The following FBXO21 variants were observed in gnomAD, a reference collection of about 807,000 sequenced individuals.
The protein encoded by FBXO21 is F-box protein 21, also known as F-box only protein 21.
FBXO21 carries 32 observed loss-of-function variants against 76.6 expected under a neutral mutation model. That is an observed-to-expected ratio of 0.42 (90% CI 0.32 to 0.56). The LOEUF is 0.56. Ranked by LOEUF, FBXO21 falls within the 20% of genes least tolerant of loss-of-function variation. The probability of loss-of-function intolerance (pLI) is 0.16; values close to 1 mark genes in which losing one functional copy is unlikely to be tolerated. For missense variants in FBXO21, 586 were observed against 797.3 expected, an observed-to-expected ratio of 0.73 and a Z score of 3.19; for synonymous variants, 328 against 311.5, an observed-to-expected ratio of 1.05 and a Z score of -0.56.
chr12:117,171,390 A>G (rs1956117695), intron 7 of FBXO21, among the ~76,000 whole-genome samples: 1 of 151,680 alleles, frequency 6.6e-6, no homozygotes, highest in Admixed American at 6.6e-5. Context: ...AAGAAATAAC[A>G]AACACTTTCA....
Position 117,142,828 on chromosome 12 carries a change from T to A in FBXO21, c.*3259A>T, listed in dbSNP as rs1332650906. 6.6e-6 allele frequency: 1 copy of A among 152,116 alleles called. No homozygotes were observed. Among genetic ancestry groups the A allele is most frequent in the African/African-American group, 2.4e-5 (1 of 41,418 alleles). The allele number at this position is 152,116 out of a possible 1,614,324, so 9.4% of individuals were successfully genotyped here. A position where few individuals can be genotyped will look rare whatever the true frequency, so the allele number is the denominator to read the frequency against. ...GAGGGGAAAGCAAAGAGATGCGACA[T>A]CAGCAGCAGAAAGCCTGCGACACGG... On this transcript the variant is annotated 3_prime_UTR_variant, in exon 12 of 12. Coordinates refer to ENST00000622495, the MANE Select transcript of FBXO21 (RefSeq NM_015002.3).
At chr12:117,160,695 C>T (rs1006636055) in intron 9 of FBXO21, among the ~76,000 whole-genome samples, 2 of 152,212 alleles carry the variant, frequency 1.3e-5, no homozygotes, top group African/African-American at 4.8e-5. Flanking sequence ...GTGATCATGG[C>T]TCACTGCAGC....
At chr12:117,167,472 C>T (rs998372690) in intron 7 of FBXO21, among the ~76,000 whole-genome samples, 21 of 152,048 alleles carry the variant, frequency 1.4e-4, no homozygotes, top group African/African-American at 3.6e-4. Context: ...CTCAGCCGGG[C>T]GTGGTGGCTC....
chr12:117,146,794 G>T (rs1955775757), intron 11 of FBXO21, among the ~76,000 whole-genome samples: 1 of 152,166 alleles, frequency 6.6e-6, no homozygotes, highest in Non-Finnish European at 1.5e-5. Context: ...CCAACAGAGA[G>T]CAGCCTCTTT....
At position 117,155,979 on chromosome 12, in the gene FBXO21, T is replaced by A. The variant is rs764143383; in HGVS notation, c.1518-31A>T. 1.0e-5 allele frequency: 16 copies of A among 1,604,218 alleles called. No individual in the cohort carries two copies. The Admixed American group carries it at 2.5e-4, about 25-fold the overall frequency. ...TAACACAGGAGGAGCAGTCAGTCCC[T>A]GCAGACCCGGCCGCAACAACCTCCA... On this transcript the variant is annotated intron_variant, in intron 10 of 11. Coordinates refer to ENST00000622495, the MANE Select transcript of FBXO21 (RefSeq NM_015002.3).
At position 117,146,183 on chromosome 12, in the gene FBXO21, G is replaced by A. The variant is rs762865500; in HGVS notation, c.1770C>T (p.Asn590=). ...SEFTGTHYIP[N]AELEIRYPED... is the part of the protein sequence containing the mutation. ...CTGGATACCGGATCTCCAGCTCTGC[G>A]TTTGGGATGTAGTGAGTGCCAGTAA... The change falls in exon 12 of 12, where the codon AAC becomes AAT. Residue 590 remains asparagine, a synonymous_variant. Transcript: ENST00000622495. 66 of 1,613,926 alleles carry A rather than the reference G, an allele frequency of 4.1e-5. No individual in the cohort carries two copies. The highest frequency in any genetic ancestry group is 5.5e-5 in the South Asian group (5 of 91,070).
At chr12:117,162,284 TGCTG>T (rs1462022089) in intron 9 of FBXO21, among the ~76,000 whole-genome samples, 1 of 152,216 alleles carries the variant, frequency 6.6e-6, no homozygotes, top group East Asian at 1.9e-4. Flanking sequence ...GGTGCCTGTG[TGCTG>T]GCTTCTTCAG....
At chr12:117,166,777 G>T (rs1372060570) in intron 8 of FBXO21, 121 bp downstream of exon 8, 2 of 735,700 alleles carry the variant, frequency 2.7e-6, no homozygotes, top group Non-Finnish European at 2.3e-6. Flanking sequence ...CTCGCAAAGA[G>T]AACTTCTTAG....
chr12:117,186,021 T>C (rs964273552), intron 3 of FBXO21, among the ~76,000 whole-genome samples: 1 of 151,922 alleles, frequency 6.6e-6, no homozygotes, highest in Non-Finnish European at 1.5e-5. Context: ...TACAGGTGTG[T>C]ACCACCACAC....
chr12:117,148,546 CGTGGCACA>C (rs1565994064), intron 11 of FBXO21, among the ~76,000 whole-genome samples: 1 of 152,240 alleles, frequency 6.6e-6, no homozygotes, highest in African/African-American at 2.4e-5. Context: ...TGCTCCATGA[CGTGGCACA>C]GTGGCACAGA....
chr12:117,180,742 C>A (rs1001369036), intron 3 of FBXO21, among the ~76,000 whole-genome samples: 8 of 152,162 alleles, frequency 5.3e-5, no homozygotes, highest in Admixed American at 2.6e-4. Context: ...TCTCCTGCCT[C>A]AGCCTCCCAA....
In FBXO21 at chr12:117,186,067, G is replaced by C. The variant is rs559862595; in HGVS notation, c.470+410C>G. Among the ~76,000 whole-genome samples, 9 of 152,228 alleles carry C rather than the reference G, an allele frequency of 5.9e-5. No individual in the cohort carries two copies. The South Asian group carries it at 1.9e-3, about 32-fold the overall frequency. On this transcript the variant is annotated intron_variant, in intron 3 of 11. Transcript: ENST00000622495. The stretch of plus-strand genomic sequence containing the variant: ...TTTTGTATTTTTTTAAGTAGAGATG[G>C]GGTTTCACCACGTTGGCCAGGCTGG...
intron 6 of FBXO21, among the ~76,000 whole-genome samples, chr12:117,173,266 G>A (rs1018321058): frequency 2.6e-5 from 4 of 152,100 alleles, no homozygotes; most frequent in African/African-American, 9.7e-5. Flanking sequence ...CCTGACCTCA[G>A]GTGATCCGCC....
chr12:117,184,482 G>A (rs906065279), intron 3 of FBXO21, among the ~76,000 whole-genome samples: 7 of 152,166 alleles, frequency 4.6e-5, no homozygotes, highest in Non-Finnish European at 7.3e-5. Context: ...GGCTAGGCAC[G>A]GTGGCTCACG....
chr12:117,188,899 A>AG (rs1259473614), intron 2 of FBXO21: 7 of 253,262 alleles, frequency 2.8e-5, no homozygotes, highest in Non-Finnish European at 4.6e-5. Context: ...CAAATAACGG[A>AG]GGGGTTGCAA....
chr12:117,162,737 C>T (rs1235637260), intron 9 of FBXO21, among the ~76,000 whole-genome samples: 2 of 152,186 alleles, frequency 1.3e-5, no homozygotes, highest in Non-Finnish European at 2.9e-5. Flanking sequence ...ACTGGTCTCA[C>T]ACTCCGTAAC....
rs746164158 is a variant in FBXO21, at chr12:117,174,698, G to A, written c.692C>T (p.Thr231Ile). The part of the protein sequence containing the change: ...IDSIVELVCK[T>I]LRGINSRHPS... ...GTGGCGACTGTTTATGCCCCGAAGG[G>A]TTTTGCAAACAAGCTCCACGATGCT... The change falls in exon 5 of 12, where the codon ACC (threonine) becomes ATC (isoleucine). Residue 231 changes from threonine to isoleucine, a missense_variant. Thr to Ile is a moderately conservative substitution (Grantham distance 89). Around this residue, in one of 6 missense-constraint regions of FBXO21, gnomAD observed 246 missense variants for 356.8 expected, o/e 0.69. Transcript: ENST00000622495. 2 of 1,614,044 alleles carry A rather than the reference G, an allele frequency of 1.2e-6. No individual in the cohort carries two copies. Among genetic ancestry groups the A allele is most frequent in the East Asian group, 2.2e-5 (1 of 44,894 alleles).
chr12:117,146,070 A>C lies in FBXO21; in HGVS notation c.*17T>G, dbSNP rs772245855. 6 of 1,549,272 alleles carry C rather than the reference A, an allele frequency of 3.9e-6. No homozygotes were observed. Among genetic ancestry groups the C allele is most frequent in the Non-Finnish European group, 4.4e-6 (5 of 1,149,384 alleles). On this transcript the variant is annotated 3_prime_UTR_variant, in exon 12 of 12. Transcript: ENST00000622495. ...AAGATAGCAGCAGCAGCAAAGGTGC[A>C]ATGTCCTCTCTAGACTTTACTCATC... is the stretch of plus-strand genomic sequence containing the variant.
chr12:117,170,343 C>T (rs1354848912), intron 7 of FBXO21, among the ~76,000 whole-genome samples: 1 of 152,132 alleles, frequency 6.6e-6, no homozygotes, highest in Non-Finnish European at 1.5e-5. Context: ...TAATCCCTGG[C>T]TCCAATCAAC....
Sources: allele counts gnomAD v4.1 joint callset (sites outside exome capture counted in the v4.1 genomes callset), GRCh38; gene constraint gnomAD v4.1.1; regional missense constraint gnomAD v4.1.1; transcripts MANE v1.5; gene names NCBI Gene and HGNC (gene_info 2026-07-23, HGNC 2026-07-21).